The following SPATA33 variants were observed in gnomAD, a reference collection of about 807,000 sequenced individuals.
The protein encoded by SPATA33 is spermatogenesis-associated protein 33.
Under a neutral mutation model 8.9 loss-of-function variants are expected in SPATA33, and 10 were observed. The observed-to-expected ratio is 1.12, with a 90% CI of 0.69 to 1.90. The LOEUF (loss-of-function observed/expected upper bound fraction) is 1.90. Among genes scored for constraint, SPATA33 ranks in the 40% most tolerant of loss-of-function variants. SPATA33 has a pLI of 0.00. For missense variants in SPATA33, 241 were observed against 178.3 expected (o/e 1.35, Z -2.00); for synonymous variants, 96 against 72.8 (o/e 1.32, Z -1.63).
chr16:89,667,837 G>A (rs1409293021), intron 2 of SPATA33, among the ~76,000 whole-genome samples: 1 of 152,154 alleles, frequency 6.6e-6, no homozygotes, highest in East Asian at 1.9e-4. Flanking sequence ...TCCCCCATCT[G>A]GTTAGCCTTG....
At chr16:89,664,737 A>G (rs1200436342) in intron 2 of SPATA33, among the ~76,000 whole-genome samples, 3 of 152,148 alleles carry the variant, frequency 2.0e-5, no homozygotes, top group Non-Finnish European at 4.4e-5. Flanking sequence ...GAAAACGGGA[A>G]CTTCATTCCT....
At chr16:89,658,796 T>C (rs2059923507) in intron 2 of SPATA33, 2 of 262,322 alleles carry the variant, frequency 7.6e-6, no homozygotes, top group Non-Finnish European at 1.5e-5. Context: ...GGCTGGACTG[T>C]AGCTCTCCGA....
intron 2 of SPATA33, among the ~76,000 whole-genome samples, chr16:89,662,419 CT>C (rs879635140): frequency 0.024 from 3,463 of 144,496 alleles, 39 homozygotes; most frequent in Non-Finnish European, 0.033. Flanking sequence ...TGTTTGAACA[CT>C]TTTTTTTTTT....
intron 2 of SPATA33, 27 bp downstream of exon 2, chr16:89,658,448 C>T (rs774815141): frequency 6.3e-7 from 1 of 1,574,826 alleles, no homozygotes. Context: ...GGGAGCGAAG[C>T]GAGGTCAGTG....
intron 2 of SPATA33, among the ~76,000 whole-genome samples, chr16:89,664,539 G>T (rs975855301): frequency 2.6e-5 from 4 of 152,106 alleles, no homozygotes; most frequent in Non-Finnish European, 4.4e-5. Context: ...AAGCCAGACA[G>T]TAAAAGTGTC....
chr16:89,667,530 G>A (rs934428685), intron 2 of SPATA33, among the ~76,000 whole-genome samples: 1 of 152,166 alleles, frequency 6.6e-6, no homozygotes, highest in Non-Finnish European at 1.5e-5. Flanking sequence ...GCCCACAGTG[G>A]TGCGTGCTGG....
At chr16:89,666,085 A>T (rs571423730) in intron 2 of SPATA33, among the ~76,000 whole-genome samples, 1 of 152,278 alleles carries the variant, frequency 6.6e-6, no homozygotes, top group South Asian at 2.1e-4. Flanking sequence ...CCATCTCAAA[A>T]TAAATAAATG....
intron 2 of SPATA33, 37 bp downstream of exon 2, chr16:89,658,458 G>A: frequency 6.4e-7 from 1 of 1,563,646 alleles, no homozygotes; most frequent in Non-Finnish European, 8.7e-7. Flanking sequence ...CGAGGTCAGT[G>A]GCTTGGAGGA....
At chr16:89,660,411 G>A (rs13332449) in intron 2 of SPATA33, 37,912 of 1,204,452 alleles carry the variant, frequency 0.031, 675 homozygotes, top group Non-Finnish European at 0.036. Context: ...CCGCCTGTTG[G>A]AAGGGCCCCA....
rs531072434 is a variant in SPATA33 at position 89,662,483 on chromosome 16, C to G, written c.211+4062C>G. Among the ~76,000 whole-genome samples the G allele has an allele frequency of 2.5e-3, 378 of 150,922 alleles. 2 individuals carry two copies. Among genetic ancestry groups the G allele is most frequent in the Admixed American group, 4.2e-3 (63 of 15,156 alleles). On this transcript the variant is annotated intron_variant, in intron 2 of 2. Transcript: ENST00000579310. Reference sequence around the variant, plus strand: ...CCAGGCTGGAGTGCAATGGCATGATCTCGGGTCTCAACTCACTGTAGCCTC... The same window carrying G: ...CCAGGCTGGAGTGCAATGGCATGATGTCGGGTCTCAACTCACTGTAGCCTC...
rs766382963 is a variant in SPATA33 at position 89,658,409 on chromosome 16, G to A, written c.199G>A (p.Ala67Thr). The part of the protein sequence containing the change: ...AGTAKHPPPA[A>T]SLEEKPDVKQ... ...GACAGCCAAGCACCCGCCGCCGGCA[G>A]CTTCGCTGGAAGGTAGGAGACGGCG... The change falls in exon 2 of 3, where the codon GCT (alanine) becomes ACT (threonine). Residue 67 changes from alanine to threonine, a missense_variant. Transcript: ENST00000579310. 24 of 1,609,120 alleles carry A rather than the reference G, an allele frequency of 1.5e-5. No homozygotes were observed. Among genetic ancestry groups the A allele is most frequent in the Non-Finnish European group, 1.9e-5 (22 of 1,178,426 alleles).
intron 2 of SPATA33, among the ~76,000 whole-genome samples, chr16:89,666,857 G>A (rs926139548): frequency 7.2e-5 from 11 of 152,194 alleles, no homozygotes; most frequent in Non-Finnish European, 1.2e-4. Flanking sequence ...AGCTTACGCC[G>A]TTATTTCAGC....
At chr16:89,663,644 G>A (rs903029347) in intron 2 of SPATA33, among the ~76,000 whole-genome samples, 1 of 152,108 alleles carries the variant, frequency 6.6e-6, no homozygotes, top group Non-Finnish European at 1.5e-5. Context: ...GGGAGTGAGG[G>A]GGTCTGTGAA....
rs562047443 is a variant in SPATA33, at chr16:89,664,855, C to T, written c.212-4431C>T. On this transcript the variant is annotated intron_variant, in intron 2 of 2. Coordinates refer to ENST00000579310, the MANE Select transcript of SPATA33 (RefSeq NM_001271907.2). The stretch of plus-strand genomic sequence containing the variant: ...GGCCCCTGGAATTCAGCCTGCGTCC[C>T]AGCCACGCTGCACCTGCACCCCTGA... Among the ~76,000 whole-genome samples, 12 of 152,336 alleles carry T rather than the reference C, an allele frequency of 7.9e-5. No homozygotes were observed. In the South Asian group the frequency reaches 2.5e-3, roughly 32 times the overall value.
Position 89,657,861 on chromosome 16 carries a change from G to A in SPATA33, c.-51G>A. On this transcript the variant is annotated 5_prime_UTR_variant, in exon 1 of 3. Coordinates refer to ENST00000579310, the MANE Select transcript of SPATA33 (RefSeq NM_001271907.2). The stretch of plus-strand genomic sequence containing the variant: ...GTGAGTCGCTCCCGGCTCCGCGGCC[G>A]CGGAGGTGTGGGGACCCGGGCTTGC... 2.0e-6 allele frequency: 3 copies of A among 1,510,036 alleles called. No individual in the cohort carries two copies. The highest frequency in any genetic ancestry group is 2.6e-6 in the Non-Finnish European group (3 of 1,136,478). 93.5% of individuals were successfully genotyped at this position (1,510,036 alleles called of 1,614,324 possible).
chr16:89,660,597 G>T (rs1048047172), intron 2 of SPATA33: 3 of 1,209,502 alleles, frequency 2.5e-6, no homozygotes, highest in East Asian at 3.2e-5. Context: ...CACCGTGAAG[G>T]AGTCCCAAAG....
chr16:89,666,155 C>T (rs1483951635), intron 2 of SPATA33, among the ~76,000 whole-genome samples: 3 of 152,010 alleles, frequency 2.0e-5, no homozygotes, highest in Admixed American at 1.3e-4. Context: ...GGGTCGGGCC[C>T]TCTGATACTC....
intron 2 of SPATA33, among the ~76,000 whole-genome samples, chr16:89,667,727 C>T (rs2060044853): frequency 6.6e-6 from 1 of 152,224 alleles, no homozygotes; most frequent in African/African-American, 2.4e-5. Context: ...GCAGCTGACA[C>T]AGATGAGGCT....
At chr16:89,667,879 T>A (rs2060047597) in intron 2 of SPATA33, 1 of 152,324 alleles carries the variant, frequency 6.6e-6, no homozygotes, top group African/African-American at 2.4e-5. Context: ...GTCTCCCCTG[T>A]TTGACTAGCC....
Sources: allele counts gnomAD v4.1 joint callset (sites outside exome capture counted in the v4.1 genomes callset), GRCh38; gene constraint gnomAD v4.1.1; transcripts MANE v1.5; gene names NCBI Gene and HGNC (gene_info 2026-07-23, HGNC 2026-07-21).